Variants in THSD7A observed in about 807,000 individuals in gnomAD.
The protein encoded by THSD7A is thrombospondin type-1 domain-containing protein 7A.
In THSD7A, 96 loss-of-function variants were observed where a neutral mutation model predicts 231.3. The ratio of observed to expected loss-of-function variants is 0.41; its 90% confidence interval spans 0.35 to 0.49. The LOEUF is 0.49. THSD7A is among the 20% of genes least tolerant of loss of function. THSD7A has a pLI of 0.05. For synonymous variants in THSD7A, 940 were observed against 743.3 expected (o/e 1.26, Z -4.30); for missense variants, 2,290 against 2,070.2 (o/e 1.11, Z -2.06).
chr7:11,405,986 C>T (rs577606643), intron 22 of THSD7A, among the ~76,000 whole-genome samples: 1 of 152,090 alleles, frequency 6.6e-6, no homozygotes, highest in Non-Finnish European at 1.5e-5. Context: ...TATGTTTTGT[C>T]CTTATTTTCT....
intron 1 of THSD7A, among the ~76,000 whole-genome samples, chr7:11,786,082 C>CTAAAA (rs1307219770): frequency 8.6e-5 from 13 of 150,916 alleles, no homozygotes; most frequent in Admixed American, 7.9e-4. Flanking sequence ...GAATCATTCC[C>CTAAAA]TTTTATTTTA....
intron 1 of THSD7A, among the ~76,000 whole-genome samples, chr7:11,792,240 C>T (rs1220484068): frequency 6.6e-6 from 1 of 151,984 alleles, no homozygotes; most frequent in Non-Finnish European, 1.5e-5. Flanking sequence ...CATAACTGAT[C>T]AGTCTGCTGG....
intron 1 of THSD7A, among the ~76,000 whole-genome samples, chr7:11,782,371 T>C (rs769377306): frequency 6.6e-5 from 10 of 152,106 alleles, no homozygotes; most frequent in Non-Finnish European, 1.3e-4. Flanking sequence ...ATGTCGTTAT[T>C]GCAAAAGATA....
chr7:11,732,191 C>A (rs1781758830), intron 1 of THSD7A, among the ~76,000 whole-genome samples: 1 of 151,264 alleles, frequency 6.6e-6, no homozygotes. Context: ...GAAAAATGAA[C>A]ACGTATTTTT....
At chr7:11,602,851 C>G (rs550816124) in intron 2 of THSD7A, among the ~76,000 whole-genome samples, 1 of 151,208 alleles carries the variant, frequency 6.6e-6, no homozygotes, top group South Asian at 2.1e-4. Flanking sequence ...AGAAGATTCT[C>G]AGGTTTTTAT....
chr7:11,652,809 T>G (rs1782555485), intron 1 of THSD7A, among the ~76,000 whole-genome samples: 1 of 151,958 alleles, frequency 6.6e-6, no homozygotes, highest in African/African-American at 2.4e-5. Context: ...CATTACTGAC[T>G]TGGAAATGTT....
chr7:11,622,207 T>G (rs949026333), intron 2 of THSD7A, among the ~76,000 whole-genome samples: 2 of 152,124 alleles, frequency 1.3e-5, no homozygotes, highest in Non-Finnish European at 2.9e-5. Context: ...ATTTTCCAAA[T>G]TGTACATACA....
At chr7:11,410,474 G>T (rs1485783612) in intron 19 of THSD7A, 1 of 152,122 alleles carries the variant, frequency 6.6e-6, no homozygotes, top group Non-Finnish European at 1.5e-5. Context: ...TATCTTGGTT[G>T]GTATTTGACC....
chr7:11,770,229 T>C, intron 1 of THSD7A, among the ~76,000 whole-genome samples: 1 of 152,226 alleles, frequency 6.6e-6, no homozygotes, highest in Non-Finnish European at 1.5e-5. Context: ...AAAAGAATCA[T>C]AGTTAAATCA....
intron 1 of THSD7A, among the ~76,000 whole-genome samples, chr7:11,717,181 C>T (rs774252461): frequency 2.6e-5 from 4 of 151,622 alleles, no homozygotes; most frequent in African/African-American, 4.8e-5. Flanking sequence ...GGTCTGATTG[C>T]AGGAACGCTA....
chr7:11,597,192 C>G (rs1378204567), intron 2 of THSD7A, among the ~76,000 whole-genome samples: 1 of 152,190 alleles, frequency 6.6e-6, no homozygotes, highest in African/African-American at 2.4e-5. Flanking sequence ...CCTTCTACCT[C>G]AGTAAAATTT....
intron 1 of THSD7A, among the ~76,000 whole-genome samples, chr7:11,715,951 G>T (rs1182906661): frequency 1.3e-5 from 2 of 151,430 alleles, no homozygotes; most frequent in African/African-American, 4.8e-5. Context: ...ATAAAAATCT[G>T]GGAGAAACCC....
In THSD7A at chr7:11,820,814, C is replaced by T. The variant is rs566821402; in HGVS notation, c.190+10943G>A. On this transcript the variant is annotated intron_variant, in intron 1 of 27. Transcript: ENST00000423059. ...GGATCTGGACGTGCCTCTCGCTCTC[C>T]GGTGCTTCTTCTGCTTCTTTGATCC... 4.9e-6 allele frequency: 5 copies of T among 1,018,040 alleles called. No individual in the cohort carries two copies. The African/African-American group carries it at 6.3e-5, about 13-fold the overall frequency. The allele number at this position is 1,018,040 out of a possible 1,614,324, so 63.1% of individuals were successfully genotyped here. A position where few individuals can be genotyped will look rare whatever the true frequency, so the allele number is the denominator to read the frequency against.
intron 1 of THSD7A, among the ~76,000 whole-genome samples, chr7:11,752,319 A>G (rs1206514270): frequency 6.6e-6 from 1 of 152,000 alleles, no homozygotes; most frequent in Non-Finnish European, 1.5e-5. Flanking sequence ...CTCGACATCA[A>G]ATGCCTTGTA....
intron 4 of THSD7A, among the ~76,000 whole-genome samples, chr7:11,548,743 A>G (rs1789500832): frequency 6.6e-6 from 1 of 152,124 alleles, no homozygotes; most frequent in Non-Finnish European, 1.5e-5. Flanking sequence ...TAAACAACTA[A>G]AAACAAAAAT....
At chr7:11,485,883 A>G (rs1416398464) in intron 6 of THSD7A, among the ~76,000 whole-genome samples, 2 of 152,242 alleles carry the variant, frequency 1.3e-5, no homozygotes, top group African/African-American at 4.8e-5. Flanking sequence ...TAGCCATTGA[A>G]CAAACAGCAA....
Position 11,637,308 on chromosome 7 carries a change from C to T in THSD7A, c.191-347G>A, listed in dbSNP as rs1158593741. Among the ~76,000 whole-genome samples the T allele has an allele frequency of 5.3e-5, 8 of 152,266 alleles. No homozygotes were observed. In the South Asian group the frequency reaches 1.2e-3, roughly 24 times the overall value. On this transcript the variant is annotated intron_variant, in intron 1 of 27. Transcript: ENST00000423059. The surrounding 1 kb of genome is among the most constrained non-coding windows in gnomAD (Gnocchi z 4.2). Reference sequence around the variant, plus strand: ...TAGTCACAGTGAAAACTCATTACTCCGGCCTCACAATCATCAAATCCATTT... The same window carrying T: ...TAGTCACAGTGAAAACTCATTACTCTGGCCTCACAATCATCAAATCCATTT...
chr7:11,627,779 A>C (rs1215617031), intron 2 of THSD7A, among the ~76,000 whole-genome samples: 4 of 152,176 alleles, frequency 2.6e-5, no homozygotes, highest in Non-Finnish European at 4.4e-5. Flanking sequence ...GTGCTGGTTT[A>C]GTGAAGAATA....
chr7:11,474,410 C>A lies in THSD7A; in HGVS notation c.2176G>T (p.Ala726Ser). The change falls in exon 8 of 28, where the codon GCC (alanine) becomes TCC (serine). Residue 726 changes from alanine to serine, a missense_variant. Coordinates refer to ENST00000423059, the MANE Select transcript of THSD7A (RefSeq NM_015204.3). This position sits in a 1 kb window ranked among gnomAD's most constrained non-coding sequence, Gnocchi z 4.1. ...FNTTTTWNGEASCSVGMQTRK... is the reference protein window; with the variant it reads ...FNTTTTWNGESSCSVGMQTRK... ...GTCTGCATGCCGACAGAGCAGGAGG[C>A]CTCCCCATTCCAAGTCGTAGTTGTG... 1.2e-6 allele frequency: 2 copies of A among 1,613,606 alleles called. No homozygotes were observed. Among genetic ancestry groups the A allele is most frequent in the Non-Finnish European group, 1.7e-6 (2 of 1,179,606 alleles).
Sources: gnomAD v4.1 joint callset for allele counts (sites outside exome capture counted in the v4.1 genomes callset) on GRCh38, gnomAD v4.1.1 for gene constraint, Gnocchi (gnomAD v3.1) non-coding constraint, MANE v1.5 for transcripts, NCBI Gene and HGNC (gene_info 2026-07-23, HGNC 2026-07-21) for gene names.